Variants in LRATD2 observed in about 807,000 individuals in gnomAD.
LRATD2 encodes protein LRATD2.
A neutral mutation model predicts 12.0 loss-of-function variants in LRATD2; 10 were observed. That is an observed-to-expected ratio of 0.83 (90% CI 0.51 to 1.41). The LOEUF (loss-of-function observed/expected upper bound fraction) is 1.41. LRATD2 is among the 40% of genes most tolerant of loss of function. The probability of loss-of-function intolerance (pLI) is 0.00; values close to 1 mark genes in which losing one functional copy is unlikely to be tolerated. For missense variants in LRATD2, 455 were observed against 446.1 expected, an observed-to-expected ratio of 1.02 and a Z score of -0.18; for synonymous variants, 220 against 205.8, an observed-to-expected ratio of 1.07 and a Z score of -0.59.
Position 126,557,254 on chromosome 8 carries a change from C to T in LRATD2, c.136G>A (p.Glu46Lys). The T allele has an allele frequency of 6.2e-7, 1 of 1,608,306 alleles. No individual in the cohort carries two copies. The highest frequency in any genetic ancestry group is 1.7e-5 in the Admixed American group (1 of 59,260). Residue 46 changes from glutamate (E) to lysine (K), a missense_variant, in exon 2 of 2, where the codon GAG becomes AAG. Coordinates refer to ENST00000304916, the MANE Select transcript of LRATD2 (RefSeq NM_174911.5). The surrounding 1 kb of genome is among the most constrained non-coding windows in gnomAD (Gnocchi z 5.3). Reference protein sequence around the residue: ...YIFSNDDEDVEPQPPPQGPDG... With the variant: ...YIFSNDDEDVKPQPPPQGPDG... ...GGCCCCTGAGGCGGCGGCTGCGGCT[C>T]CACGTCCTCATCGTCATTGGAGAAA... is the stretch of plus-strand genomic sequence containing the variant.
In LRATD2 at chr8:126,556,912, G is replaced by A. The variant is rs1246116817; in HGVS notation, c.478C>T (p.Gln160Ter). 2 of 1,609,654 alleles carry A rather than the reference G, an allele frequency of 1.2e-6. No individual in the cohort carries two copies. Among genetic ancestry groups the A allele is most frequent in the Non-Finnish European group, 8.5e-7 (1 of 1,179,922 alleles). ...TTGACCACGCGGCCGCGACGGCCCT[G>A]GCTGGCGTCAGTCAGGAAGCTGTTA... The part of the protein sequence containing the change: ...VINSFLTDAS[Q>*]GRRGRVVNDL... The change falls in exon 2 of 2, where the codon CAG becomes TAG. Residue 160 changes from glutamine to a stop codon, truncating the protein, a stop_gained. Coordinates refer to ENST00000304916, the MANE Select transcript of LRATD2 (RefSeq NM_174911.5). LOFTEE classifies it high-confidence loss of function. The surrounding 1 kb of genome is among the most constrained non-coding windows in gnomAD (Gnocchi z 5.6).
chr8:126,557,004 T>A lies in LRATD2; in HGVS notation c.386A>T (p.Gln129Leu), dbSNP rs753433460. 4 of 1,607,320 alleles carry A rather than the reference T, an allele frequency of 2.5e-6. No individual in the cohort carries two copies. Among genetic ancestry groups the A allele is most frequent in the Non-Finnish European group, 3.4e-6 (4 of 1,179,964 alleles). ...GDLVEFVSQA[Q>L]YPHWAVYVGN... is the part of the protein sequence containing the mutation. Reference sequence around the variant, plus strand: ...CACATATACGGCCCAGTGCGGGTACTGAGCCTGCGACACGAACTCCACCAG... The same window carrying A: ...CACATATACGGCCCAGTGCGGGTACAGAGCCTGCGACACGAACTCCACCAG... The change falls in exon 2 of 2, where the codon CAG (glutamine) becomes CTG (leucine). Residue 129 changes from glutamine (Q) to leucine (L), a missense_variant. Coordinates refer to ENST00000304916, the MANE Select transcript of LRATD2 (RefSeq NM_174911.5). The surrounding 1 kb of genome is among the most constrained non-coding windows in gnomAD (Gnocchi z 5.3).
Position 126,557,414 on chromosome 8 carries a change from C to A in LRATD2, c.-25G>T, listed in dbSNP as rs374459687. 1.2e-6 allele frequency: 2 copies of A among 1,607,004 alleles called. No individual in the cohort carries two copies. The highest frequency in any genetic ancestry group is 1.7e-6 in the Non-Finnish European group (2 of 1,178,226). ...TCACGCTGCGGACACACGTTCACAC[C>A]GCCGCAAGGGGAGAAAGCGAAACCA... On this transcript the variant is annotated 5_prime_UTR_variant, in exon 2 of 2. Transcript: ENST00000304916. This position sits in a 1 kb window ranked among gnomAD's most constrained non-coding sequence, Gnocchi z 5.3.
rs1336641978 is a variant in LRATD2, at chr8:126,556,998, G to T, written c.392C>A (p.Pro131Gln). Residue 131 changes from proline to glutamine, a missense_variant, in exon 2 of 2, where the codon CCG (proline) becomes CAG (glutamine). Coordinates refer to ENST00000304916, the MANE Select transcript of LRATD2 (RefSeq NM_174911.5). This position sits in a 1 kb window ranked among gnomAD's most constrained non-coding sequence, Gnocchi z 5.6. ...LVEFVSQAQY[P>Q]HWAVYVGNFQ... Reference sequence around the variant, plus strand: ...GTTACCCACATATACGGCCCAGTGCGGGTACTGAGCCTGCGACACGAACTC... The same window carrying T: ...GTTACCCACATATACGGCCCAGTGCTGGTACTGAGCCTGCGACACGAACTC... 1 of 1,607,696 alleles carries T rather than the reference G, an allele frequency of 6.2e-7. No homozygotes were observed. Among genetic ancestry groups the T allele is most frequent in the Admixed American group, 1.7e-5 (1 of 60,034 alleles).
Position 126,553,855 on chromosome 8 carries a change from G to C in LRATD2, c.*2602C>G, listed in dbSNP as rs907036568. The C allele has an allele frequency of 6.6e-6, 1 of 152,184 alleles. No individual in the cohort carries two copies. Among genetic ancestry groups the C allele is most frequent in the African/African-American group, 2.4e-5 (1 of 41,450 alleles). The allele number at this position is 152,184 out of a possible 1,614,324, so 9.4% of individuals were successfully genotyped here. A position where few individuals can be genotyped will look rare whatever the true frequency, so the allele number is the denominator to read the frequency against. ...TATTGAAAACCTCTTCTCTAGAAGA[G>C]AGAGTCACTGCTCTCTCTTAACACA... On this transcript the variant is annotated 3_prime_UTR_variant, in exon 2 of 2. Coordinates refer to ENST00000304916, the MANE Select transcript of LRATD2 (RefSeq NM_174911.5).
chr8:126,556,578 G>T lies in LRATD2; in HGVS notation c.812C>A (p.Thr271Lys). ...CTCCGGCTCCGCCGGGTGCAGGTGCGTGGCGAGCTCCTGCAGCACGGCCGC... is the reference window on the plus strand; with the variant it reads ...CTCCGGCTCCGCCGGGTGCAGGTGCTTGGCGAGCTCCTGCAGCACGGCCGC... ...GRAAVLQELA[T>K]HLHPAEPEEG... The change falls in exon 2 of 2, where the codon ACG becomes AAG. Residue 271 changes from threonine (T) to lysine (K), a missense_variant. Physicochemically the swap from Thr to Lys is moderately conservative, Grantham distance 78. Transcript: ENST00000304916. The surrounding 1 kb of genome is among the most constrained non-coding windows in gnomAD (Gnocchi z 5.6). 6.2e-7 allele frequency: 1 copy of T among 1,609,400 alleles called. No individual in the cohort carries two copies. Among genetic ancestry groups the T allele is most frequent in the African/African-American group, 1.3e-5 (1 of 74,906 alleles).
Position 126,554,910 on chromosome 8 carries a change from A to G in LRATD2, c.*1547T>C, listed in dbSNP as rs1817354379. The G allele has an allele frequency of 6.6e-6, 1 of 152,208 alleles. No individual in the cohort carries two copies. The highest frequency in any genetic ancestry group is 6.5e-5 in the Admixed American group (1 of 15,280). 9.4% of individuals were successfully genotyped at this position (152,208 alleles called of 1,614,324 possible). A position where few individuals can be genotyped will look rare whatever the true frequency, so the allele number is the denominator to read the frequency against. Reference sequence around the variant, plus strand: ...ACAGCAATGGCAATAGGCAGCAGAGAAGCTATGCTGCAACTGAGGGCACAT... The same window carrying G: ...ACAGCAATGGCAATAGGCAGCAGAGGAGCTATGCTGCAACTGAGGGCACAT... On this transcript the variant is annotated 3_prime_UTR_variant, in exon 2 of 2. Coordinates refer to ENST00000304916, the MANE Select transcript of LRATD2 (RefSeq NM_174911.5).
rs1213373596 is a variant in LRATD2 at position 126,554,290 on chromosome 8, AGC to A, written c.*2165_*2166del. On this transcript the variant is annotated 3_prime_UTR_variant, in exon 2 of 2. Transcript: ENST00000304916. Reference sequence around the variant, plus strand: ...CCAAAGTGCTGGGATTACAGGCATGAGCCACTGTGCCCGGCCTACCTTCTATT... The same window carrying A: ...CCAAAGTGCTGGGATTACAGGCATGACACTGTGCCCGGCCTACCTTCTATT... 6.6e-6 allele frequency: 1 copy of A among 152,336 alleles called. No homozygotes were observed. Among genetic ancestry groups the A allele is most frequent in the African/African-American group, 2.4e-5 (1 of 41,468 alleles). The allele number at this position is 152,336 out of a possible 1,614,324, so 9.4% of individuals were successfully genotyped here.
In LRATD2 at chr8:126,552,580, C is replaced by A. The variant is rs1304548252; in HGVS notation, c.*3877G>T. 6.6e-6 allele frequency: 1 copy of A among 152,584 alleles called. No homozygotes were observed. The highest frequency in any genetic ancestry group is 2.1e-4 in the South Asian group (1 of 4,824). 9.5% of individuals were successfully genotyped at this position (152,584 alleles called of 1,614,324 possible). Reference sequence around the variant, plus strand: ...CAATCTTTTATTTAACTAAGCACTGCCCTTCATTTTGAAGGAAATGATACA... The same window carrying A: ...CAATCTTTTATTTAACTAAGCACTGACCTTCATTTTGAAGGAAATGATACA... On this transcript the variant is annotated 3_prime_UTR_variant, in exon 2 of 2. Coordinates refer to ENST00000304916, the MANE Select transcript of LRATD2 (RefSeq NM_174911.5).
rs772881897 is a variant in LRATD2, at chr8:126,557,423, G to A, written c.-34C>T. 80 of 1,602,972 alleles carry A rather than the reference G, an allele frequency of 5.0e-5. No homozygotes were observed. Among genetic ancestry groups the A allele is most frequent in the Non-Finnish European group, 6.2e-5 (73 of 1,176,546 alleles). On this transcript the variant is annotated 5_prime_UTR_variant, in exon 2 of 2. Transcript: ENST00000304916. This position sits in a 1 kb window ranked among gnomAD's most constrained non-coding sequence, Gnocchi z 5.3. ...GGACACACGTTCACACCGCCGCAAG[G>A]GGAGAAAGCGAAACCAACTCCAGGG...
Position 126,554,144 on chromosome 8 carries a change from T to C in LRATD2, c.*2313A>G, listed in dbSNP as rs1303618191. ...CCTCAGGCTCCCAAGTAGCAGGCATTACAGGCGCCTGCCACCACGCCCAGC... is the reference window on the plus strand; with the variant it reads ...CCTCAGGCTCCCAAGTAGCAGGCATCACAGGCGCCTGCCACCACGCCCAGC... On this transcript the variant is annotated 3_prime_UTR_variant, in exon 2 of 2. Coordinates refer to ENST00000304916, the MANE Select transcript of LRATD2 (RefSeq NM_174911.5). 6.6e-6 allele frequency: 1 copy of C among 152,328 alleles called. No homozygotes were observed. Among genetic ancestry groups the C allele is most frequent in the Non-Finnish European group, 1.5e-5 (1 of 68,112 alleles). 9.4% of individuals were successfully genotyped at this position (152,328 alleles called of 1,614,324 possible). A position where few individuals can be genotyped will look rare whatever the true frequency, so the allele number is the denominator to read the frequency against.
In LRATD2 at chr8:126,556,872, T is replaced by C. The variant is rs1233678774; in HGVS notation, c.518A>G (p.Tyr173Cys). ...CACGGCGCTGGAGCTTAGCGGCTTG[T>C]AGCGGTACAGATCGTTGACCACGCG... ...RGRVVNDLYR[Y>C]KPLSSSAVVR... The change falls in exon 2 of 2, where the codon TAC becomes TGC. Residue 173 changes from tyrosine (Y) to cysteine (C), a missense_variant. By Grantham distance (194) the Tyr-to-Cys change is radical. Coordinates refer to ENST00000304916, the MANE Select transcript of LRATD2 (RefSeq NM_174911.5). The surrounding 1 kb of genome is among the most constrained non-coding windows in gnomAD (Gnocchi z 5.6). 6.2e-7 allele frequency: 1 copy of C among 1,606,648 alleles called. No individual in the cohort carries two copies. The highest frequency in any genetic ancestry group is 2.2e-5 in the East Asian group (1 of 44,780).
chr8:126,555,401 C>T lies in LRATD2; in HGVS notation c.*1056G>A, dbSNP rs568719705. The T allele has an allele frequency of 2.0e-5, 3 of 152,154 alleles. No homozygotes were observed. The highest frequency in any genetic ancestry group is 4.4e-5 in the Non-Finnish European group (3 of 68,026). 9.4% of individuals were successfully genotyped at this position (152,154 alleles called of 1,614,324 possible). ...CCAAAGCCTTGTTTTAAAAGGGCTC[C>T]CTTCACTATTCAGGAAGGGAAGTGG... On this transcript the variant is annotated 3_prime_UTR_variant, in exon 2 of 2. Transcript: ENST00000304916.
Position 126,554,647 on chromosome 8 carries a change from T to C in LRATD2, c.*1810A>G, listed in dbSNP as rs1817347784. 1.3e-5 allele frequency: 2 copies of C among 152,244 alleles called. No individual in the cohort carries two copies. Among genetic ancestry groups the C allele is most frequent in the Admixed American group, 6.5e-5 (1 of 15,278 alleles). 9.4% of individuals were successfully genotyped at this position (152,244 alleles called of 1,614,324 possible). A position where few individuals can be genotyped will look rare whatever the true frequency, so the allele number is the denominator to read the frequency against. On this transcript the variant is annotated 3_prime_UTR_variant, in exon 2 of 2. Transcript: ENST00000304916. ...CAAAGGTCCAAGCTTTTAAAGACTA[T>C]GGCCTCAACGTCCATGTGTGAAACA... is the stretch of plus-strand genomic sequence containing the variant.
Position 126,556,158 on chromosome 8 carries a change from C to G in LRATD2, c.*299G>C, listed in dbSNP as rs1319936593. 7 of 429,114 alleles carry G rather than the reference C, an allele frequency of 1.6e-5. No homozygotes were observed. Among genetic ancestry groups the G allele is most frequent in the Admixed American group, 4.4e-5 (1 of 22,660 alleles). 26.6% of individuals were successfully genotyped at this position (429,114 alleles called of 1,614,324 possible). ...TGGCCGATTATAAACCCAGATCTAC[C>G]AAGGTTTAAGTGCCAGGCAAGTCCA... On this transcript the variant is annotated 3_prime_UTR_variant, in exon 2 of 2. Coordinates refer to ENST00000304916, the MANE Select transcript of LRATD2 (RefSeq NM_174911.5). This position sits in a 1 kb window ranked among gnomAD's most constrained non-coding sequence, Gnocchi z 5.6.
At position 126,554,706 on chromosome 8, in the gene LRATD2, T is replaced by C. The variant is rs943986939; in HGVS notation, c.*1751A>G. 3 of 152,204 alleles carry C rather than the reference T, an allele frequency of 2.0e-5. No homozygotes were observed. Among genetic ancestry groups the C allele is most frequent in the Non-Finnish European group, 2.9e-5 (2 of 68,034 alleles). The allele number at this position is 152,204 out of a possible 1,614,324, so 9.4% of individuals were successfully genotyped here. A position where few individuals can be genotyped will look rare whatever the true frequency, so the allele number is the denominator to read the frequency against. On this transcript the variant is annotated 3_prime_UTR_variant, in exon 2 of 2. Coordinates refer to ENST00000304916, the MANE Select transcript of LRATD2 (RefSeq NM_174911.5). Reference sequence around the variant, plus strand: ...AGAAAATTCTTTAAGTCTTGTTGCCTTAACTTAGAGATCTCCAGGCAACAG... The same window carrying C: ...AGAAAATTCTTTAAGTCTTGTTGCCCTAACTTAGAGATCTCCAGGCAACAG...
In LRATD2 at chr8:126,556,130, G is replaced by T; in HGVS notation, c.*327C>A. 1 of 353,630 alleles carries T rather than the reference G, an allele frequency of 2.8e-6. No individual in the cohort carries two copies. The highest frequency in any genetic ancestry group is 5.1e-6 in the Non-Finnish European group (1 of 196,576). 21.9% of individuals were successfully genotyped at this position (353,630 alleles called of 1,614,324 possible). A position where few individuals can be genotyped will look rare whatever the true frequency, so the allele number is the denominator to read the frequency against. On this transcript the variant is annotated 3_prime_UTR_variant, in exon 2 of 2. Transcript: ENST00000304916. This position sits in a 1 kb window ranked among gnomAD's most constrained non-coding sequence, Gnocchi z 5.6. ...CTTTCCCCCAACCCCACGTGCTTAA[G>T]AATGGCCGATTATAAACCCAGATCT...
chr8:126,557,368 A>G lies in LRATD2; in HGVS notation c.22T>C (p.Leu8=), dbSNP rs758410642. The G allele has an allele frequency of 1.7e-5, 28 of 1,613,294 alleles. No homozygotes were observed. In the East Asian group the frequency reaches 1.8e-4, roughly 10 times the overall value. Residue 8 remains leucine (L), a synonymous_variant, in exon 2 of 2, where the codon TTG becomes CTG. Coordinates refer to ENST00000304916, the MANE Select transcript of LRATD2 (RefSeq NM_174911.5). This position sits in a 1 kb window ranked among gnomAD's most constrained non-coding sequence, Gnocchi z 5.3. ...ACTTCCTTGTAACTTAGGTGGGTCA[A>G]TTTCTCCACCTGGTTGCCCATCACG... MGNQVEK[L]THLSYKEVPT...
In LRATD2 at chr8:126,557,199, T is replaced by G; in HGVS notation, c.191A>C (p.Asp64Ala). Residue 64 changes from aspartate (D) to alanine (A), a missense_variant, in exon 2 of 2, where the codon GAC (aspartate) becomes GCC (alanine). Physicochemically the swap from Asp to Ala is moderately radical, Grantham distance 126. Coordinates refer to ENST00000304916, the MANE Select transcript of LRATD2 (RefSeq NM_174911.5). The surrounding 1 kb of genome is among the most constrained non-coding windows in gnomAD (Gnocchi z 5.3). ...PDGGGLPDGG[D>A]GPPPPQPQPY... Reference sequence around the variant, plus strand: ...CTGCGGCTGGGGCGGCGGCGGCCCGTCCCCACCGTCGGGCAAGCCGCCGCC... The same window carrying G: ...CTGCGGCTGGGGCGGCGGCGGCCCGGCCCCACCGTCGGGCAAGCCGCCGCC... 6.2e-7 allele frequency: 1 copy of G among 1,600,772 alleles called. No homozygotes were observed. The highest frequency in any genetic ancestry group is 8.5e-7 in the Non-Finnish European group (1 of 1,174,610).
Sources: allele counts gnomAD v4.1 joint callset, GRCh38; gene constraint gnomAD v4.1.1; non-coding constraint Gnocchi (gnomAD v3.1); transcripts MANE v1.5; gene names NCBI Gene and HGNC (gene_info 2026-07-23, HGNC 2026-07-21).